CRACDL: variants seen among roughly 807,000 people sequenced by gnomAD.
The protein encoded by CRACDL is CRACD like.
In CRACDL, 26 loss-of-function variants were observed where a neutral mutation model predicts 70.6. That is an observed-to-expected ratio of 0.37 (90% CI 0.27 to 0.51). CRACDL has a LOEUF of 0.51. Among genes scored for constraint, CRACDL ranks in the 20% least tolerant of loss-of-function variants. The pLI is 0.94. For synonymous variants in CRACDL, 618 were observed against 615.2 expected, an observed-to-expected ratio of 1.00 and a Z score of -0.07; for missense variants, 1,283 against 1,376.9, an observed-to-expected ratio of 0.93 and a Z score of 1.08.
rs1310165723 is a variant in CRACDL, at chr2:98,910,291, G to A, written c.-11+25647C>T. Among the ~76,000 whole-genome samples, 5 of 152,108 alleles carry A rather than the reference G, an allele frequency of 3.3e-5. No individual in the cohort carries two copies. In the South Asian group the frequency reaches 6.2e-4, roughly 19 times the overall value. ...TCCCAGCACTTTGGGAGGCCAAGGCGGGTGAATCACCTGAGGCCAGGAGTT... is the reference window on the plus strand; with the variant it reads ...TCCCAGCACTTTGGGAGGCCAAGGCAGGTGAATCACCTGAGGCCAGGAGTT... On this transcript the variant is annotated intron_variant, in intron 1 of 9. Transcript: ENST00000397899.
chr2:98,796,240 CAA>C lies in CRACDL; in HGVS notation c.2627_2628del (p.Phe876CysfsTer80). On this transcript the variant is annotated frameshift_variant, in exon 9 of 10. Transcript: ENST00000397899. LOFTEE classifies it high-confidence loss of function. ...GTTATCAGGAAAGACTTGCTGCGAACAAAGTCAGCTTGCTTCACAGGCTCCTG... is the reference window on the plus strand; with the variant it reads ...GTTATCAGGAAAGACTTGCTGCGAACAGTCAGCTTGCTTCACAGGCTCCTG... ...RGQEPVKQAD[F>X]VRSKSFLITP... is the part of the protein sequence containing the mutation. 1 of 1,614,176 alleles carries C rather than the reference CAA, an allele frequency of 6.2e-7. No homozygotes were observed. Among genetic ancestry groups the C allele is most frequent in the African/African-American group, 1.3e-5 (1 of 75,066 alleles).
chr2:98,846,607 C>A, intron 2 of CRACDL, 124 bp downstream of exon 2: 1 of 734,378 alleles, frequency 1.4e-6, no homozygotes, highest in Non-Finnish European at 2.4e-6. Flanking sequence ...GGTATCTGAG[C>A]ACACTGGGAA....
At chr2:98,821,729 C>G (rs1348343104) in intron 7 of CRACDL, 128 bp downstream of exon 7, 1 of 1,231,988 alleles carries the variant, frequency 8.1e-7, no homozygotes, top group Non-Finnish European at 1.1e-6. Context: ...AGTGGGAATT[C>G]TGACTCCTTC....
chr2:98,856,853 CT>C (rs1233369732), intron 1 of CRACDL, among the ~76,000 whole-genome samples: 1 of 152,208 alleles, frequency 6.6e-6, no homozygotes, highest in Admixed American at 6.5e-5. Flanking sequence ...TTCTTGTCCC[CT>C]GACTATGACC....
intron 1 of CRACDL, among the ~76,000 whole-genome samples, chr2:98,896,086 C>T (rs186205956): frequency 1.3e-5 from 2 of 152,148 alleles, no homozygotes; most frequent in Admixed American, 6.5e-5. Context: ...AGGGCAGAAC[C>T]GGGAGTGGGG....
rs767437682 is a variant in CRACDL at position 98,797,525 on chromosome 2, G to T, written c.2429C>A (p.Pro810Gln). The T allele has an allele frequency of 3.7e-6, 6 of 1,613,826 alleles. No individual in the cohort carries two copies. The highest frequency in any genetic ancestry group is 2.2e-5 in the East Asian group (1 of 44,884). ...PLRRGAEKSL[P>Q]PAATGPGADG... ...AGCTCCAGGCCCTGTTGCTGCAGGCGGCAGACTCTTTTCTGTTGGGTAAAG... is the reference window on the plus strand; with the variant it reads ...AGCTCCAGGCCCTGTTGCTGCAGGCTGCAGACTCTTTTCTGTTGGGTAAAG... The change falls in exon 8 of 10, where the codon CCG (proline) becomes CAG (glutamine). Residue 810 changes from proline (P) to glutamine (Q), a missense_variant. By Grantham distance (76) the Pro-to-Gln change is moderately conservative. Around this residue, in one of 2 missense-constraint regions of CRACDL, gnomAD observed 921 missense variants for 881.9 expected, o/e 1.04. Transcript: ENST00000397899.
At chr2:98,914,395 A>G (rs1170478816) in intron 1 of CRACDL, among the ~76,000 whole-genome samples, 2 of 152,168 alleles carry the variant, frequency 1.3e-5, no homozygotes, top group Non-Finnish European at 2.9e-5. Context: ...CCCAAGCCTG[A>G]GCCCACAGCA....
intron 1 of CRACDL, among the ~76,000 whole-genome samples, chr2:98,922,602 C>T (rs893807107): frequency 2.0e-5 from 3 of 152,198 alleles, no homozygotes; most frequent in African/African-American, 7.2e-5. Context: ...GAATACTCCC[C>T]AGGGAAGACC....
intron 7 of CRACDL, among the ~76,000 whole-genome samples, chr2:98,815,255 T>C (rs1445893237): frequency 6.6e-6 from 1 of 152,248 alleles, no homozygotes; most frequent in Non-Finnish European, 1.5e-5. Context: ...TTTTGGTTCA[T>C]ATCCTACAGA....
chr2:98,893,245 A>T (rs1708025101), intron 1 of CRACDL, among the ~76,000 whole-genome samples: 1 of 152,070 alleles, frequency 6.6e-6, no homozygotes, highest in Non-Finnish European at 1.5e-5. Flanking sequence ...TGGGACAAGG[A>T]GCTGTCTGAT....
intron 3 of CRACDL, among the ~76,000 whole-genome samples, chr2:98,837,206 GAA>G (rs34735420): frequency 0.071 from 8,101 of 113,768 alleles, 316 homozygotes; most frequent in South Asian, 0.23. Context: ...ACCCAAAACT[GAA>G]AAAAAAAAAA....
intron 3 of CRACDL, among the ~76,000 whole-genome samples, chr2:98,836,888 C>T (rs376018769): frequency 6.6e-6 from 1 of 152,054 alleles, no homozygotes; most frequent in Non-Finnish European, 1.5e-5. Context: ...CGAGACCATC[C>T]TGGCTAACAC....
At chr2:98,909,666 C>T (rs1326414260) in intron 1 of CRACDL, among the ~76,000 whole-genome samples, 1 of 152,200 alleles carries the variant, frequency 6.6e-6, no homozygotes, top group Non-Finnish European at 1.5e-5. Context: ...ACCTGACACC[C>T]AGACCAGCTG....
At position 98,808,174 on chromosome 2, in the gene CRACDL, C is replaced by G. The variant is rs1030915035; in HGVS notation, c.2417-10637G>C. Among the ~76,000 whole-genome samples, 7 of 152,364 alleles carry G rather than the reference C, an allele frequency of 4.6e-5. No individual in the cohort carries two copies. In the South Asian group the frequency reaches 8.3e-4, roughly 18 times the overall value. ...TCCAAGTGTCGTCCACGGACCAGCA[C>G]TGCTGCCATTATTCCAGACGTACTG... is the stretch of plus-strand genomic sequence containing the variant. On this transcript the variant is annotated intron_variant, in intron 7 of 9. Coordinates refer to ENST00000397899, the MANE Select transcript of CRACDL (RefSeq NM_207362.3).
chr2:98,840,635 T>C (rs1224446496), intron 2 of CRACDL: 1 of 152,234 alleles, frequency 6.6e-6, no homozygotes, highest in Non-Finnish European at 1.5e-5. Flanking sequence ...TATTTATCTT[T>C]AGTTGTCAAT....
At chr2:98,905,249 CA>C (rs749724315) in intron 1 of CRACDL, among the ~76,000 whole-genome samples, 90 of 61,702 alleles carry the variant, frequency 1.5e-3, no homozygotes, top group Middle Eastern at 6.8e-3. Context: ...GACTCTGTCT[CA>C]AAAAAAAAAA....
intron 1 of CRACDL, among the ~76,000 whole-genome samples, chr2:98,910,014 C>T (rs1482253309): frequency 6.6e-6 from 1 of 152,156 alleles, no homozygotes; most frequent in Non-Finnish European, 1.5e-5. Flanking sequence ...TAGTCAGTAA[C>T]GCCATCTCTC....
chr2:98,802,772 G>A (rs1030745967), intron 7 of CRACDL, among the ~76,000 whole-genome samples: 1 of 152,244 alleles, frequency 6.6e-6, no homozygotes, highest in Non-Finnish European at 1.5e-5. Context: ...TCTGGAAGCT[G>A]AGGGCTGTCA....
chr2:98,832,342 A>C lies in CRACDL; in HGVS notation c.540+6T>G. 3 of 1,614,142 alleles carry C rather than the reference A, an allele frequency of 1.9e-6. No individual in the cohort carries two copies. In the South Asian group the frequency reaches 3.3e-5, roughly 18 times the overall value. On this transcript the variant is annotated splice_donor_region_variant and intron_variant, in intron 5 of 9. Transcript: ENST00000397899. ...GAAGACATGCAGTGGTACAGGCCGC[A>C]CTTGCCTTTATGGTGGTACCAGGAC...
Sources: allele counts gnomAD v4.1 joint callset (sites outside exome capture counted in the v4.1 genomes callset), GRCh38; gene constraint gnomAD v4.1.1; regional missense constraint gnomAD v4.1.1; transcripts MANE v1.5; gene names NCBI Gene and HGNC (gene_info 2026-07-23, HGNC 2026-07-21).